The following PRKG1 variants were observed in gnomAD, a reference collection of about 807,000 sequenced individuals.
PRKG1 encodes protein kinase cGMP-dependent 1, also known as cGMP-dependent protein kinase 1.
A neutral mutation model predicts 88.1 loss-of-function variants in PRKG1; 35 were observed. The observed-to-expected ratio is 0.40, with a 90% confidence interval of 0.30 to 0.53. The LOEUF is 0.53. Ranked by LOEUF, PRKG1 falls within the 20% of genes least tolerant of loss-of-function variation. The probability of loss-of-function intolerance (pLI) is 0.59; values close to 1 mark genes in which losing one functional copy is unlikely to be tolerated. For synonymous variants in PRKG1, 303 were observed against 292.5 expected, an observed-to-expected ratio of 1.04 and a Z score of -0.37; for missense variants, 540 against 839.8, an observed-to-expected ratio of 0.64 and a Z score of 4.41.
intron 8 of PRKG1, among the ~76,000 whole-genome samples, chr10:52,152,079 G>A (rs1009298913): frequency 6.6e-6 from 1 of 152,056 alleles, no homozygotes; most frequent in Non-Finnish European, 1.5e-5. Context: ...AGTTCATATA[G>A]GTGGATACCC....
intron 4 of PRKG1, among the ~76,000 whole-genome samples, chr10:51,845,502 T>C (rs1265955516): frequency 6.6e-6 from 1 of 152,178 alleles, no homozygotes; most frequent in Non-Finnish European, 1.5e-5. Context: ...CCTTAACCCA[T>C]GGTTTTCTCA....
intron 2 of PRKG1, among the ~76,000 whole-genome samples, chr10:51,424,213 C>A (rs1426752571): frequency 6.6e-6 from 1 of 152,102 alleles, no homozygotes; most frequent in Non-Finnish European, 1.5e-5. Flanking sequence ...TATCTTTAAA[C>A]CAGAGTTGAG....
intron 2 of PRKG1, among the ~76,000 whole-genome samples, chr10:51,405,850 C>G (rs543514902): frequency 5.9e-5 from 9 of 152,170 alleles, no homozygotes; most frequent in African/African-American, 1.4e-4. Context: ...TAGGGAGATA[C>G]GGCAAGTTCC....
At chr10:51,061,463 A>T (rs1032481892) in intron 1 of PRKG1, among the ~76,000 whole-genome samples, 4 of 152,080 alleles carry the variant, frequency 2.6e-5, no homozygotes, top group Non-Finnish European at 5.9e-5. Context: ...TTTTATATTT[A>T]TTGTGCTAGT....
At chr10:51,978,249 TG>T in intron 5 of PRKG1, among the ~76,000 whole-genome samples, 1 of 152,204 alleles carries the variant, frequency 6.6e-6, no homozygotes, top group Non-Finnish European at 1.5e-5. Context: ...TTGTCAGCTT[TG>T]TTGAAGATGA....
At chr10:52,200,869 C>T (rs1459528837) in intron 9 of PRKG1, among the ~76,000 whole-genome samples, 2 of 152,066 alleles carry the variant, frequency 1.3e-5, no homozygotes, top group Admixed American at 6.6e-5. Context: ...TGAAAAGTAT[C>T]TGGTCATGTC....
chr10:51,076,184 C>T (rs989643711), intron 1 of PRKG1, among the ~76,000 whole-genome samples: 6 of 152,058 alleles, frequency 3.9e-5, no homozygotes, highest in Non-Finnish European at 8.8e-5. Flanking sequence ...CATGTTGATT[C>T]CCATGGAACA....
At chr10:51,867,377 G>A (rs1306782983) in intron 4 of PRKG1, among the ~76,000 whole-genome samples, 6 of 152,148 alleles carry the variant, frequency 3.9e-5, no homozygotes, top group African/African-American at 2.4e-5. Flanking sequence ...GTGGTTGGAT[G>A]TGTATTTAAT....
chr10:51,643,116 T>A (rs1377447838), intron 3 of PRKG1, among the ~76,000 whole-genome samples: 1 of 139,742 alleles, frequency 7.2e-6, no homozygotes. Context: ...TGTTCATGCT[T>A]GAGTTAAAAA....
chr10:51,658,872 T>A (rs1840226438), intron 3 of PRKG1, among the ~76,000 whole-genome samples: 1 of 152,136 alleles, frequency 6.6e-6, no homozygotes, highest in African/African-American at 2.4e-5. Context: ...TGTCTAGATA[T>A]AAAATACTTA....
chr10:51,136,681 C>T (rs1845692913), intron 1 of PRKG1, among the ~76,000 whole-genome samples: 1 of 151,664 alleles, frequency 6.6e-6, no homozygotes, highest in South Asian at 2.1e-4. Flanking sequence ...TAAGCAAAGT[C>T]CTAGTAAGCT....
chr10:51,095,650 T>G (rs1269828086), intron 1 of PRKG1, among the ~76,000 whole-genome samples: 2 of 152,156 alleles, frequency 1.3e-5, no homozygotes, highest in Non-Finnish European at 2.9e-5. Flanking sequence ...TTTGCTGCTT[T>G]TAGACAAACT....
intron 5 of PRKG1, among the ~76,000 whole-genome samples, chr10:52,019,641 T>G (rs1018804392): frequency 2.0e-5 from 3 of 152,212 alleles, no homozygotes; most frequent in Non-Finnish European, 4.4e-5. Context: ...CTCAGTCATT[T>G]ATAAAGAAGG....
At chr10:52,042,758 G>A (rs1456929171) in intron 5 of PRKG1, among the ~76,000 whole-genome samples, 1 of 152,032 alleles carries the variant, frequency 6.6e-6, no homozygotes, top group African/African-American at 2.4e-5. Flanking sequence ...TGCCCAGCAG[G>A]GGAAACAATC....
chr10:51,265,545 TTA>T (rs1589292935), intron 2 of PRKG1, among the ~76,000 whole-genome samples: 1 of 152,196 alleles, frequency 6.6e-6, no homozygotes, highest in Non-Finnish European at 1.5e-5. Context: ...TTATTTTATT[TTA>T]TGTTTGGAGA....
At chr10:51,287,692 A>G (rs1840477803) in intron 2 of PRKG1, among the ~76,000 whole-genome samples, 2 of 152,202 alleles carry the variant, frequency 1.3e-5, no homozygotes, top group African/African-American at 4.8e-5. Flanking sequence ...CCTTTAAGAC[A>G]AGATTTAAAT....
chr10:51,612,462 C>T (rs574865149), intron 3 of PRKG1, among the ~76,000 whole-genome samples: 2 of 151,950 alleles, frequency 1.3e-5, no homozygotes, highest in African/African-American at 4.8e-5. Flanking sequence ...ATGCTACTGA[C>T]TTTTGTATGT....
intron 5 of PRKG1, among the ~76,000 whole-genome samples, chr10:51,927,815 C>T (rs1384831931): frequency 6.6e-6 from 1 of 152,152 alleles, no homozygotes; most frequent in Middle Eastern, 3.2e-3. Flanking sequence ...CTATGTTATT[C>T]TAAAATTTTG....
intron 5 of PRKG1, among the ~76,000 whole-genome samples, chr10:51,924,749 G>A (rs1419003194): frequency 1.4e-5 from 2 of 140,666 alleles, no homozygotes; most frequent in South Asian, 2.3e-4. Flanking sequence ...TTTTTTCTTT[G>A]CATTCCAGTT....
Sources: allele counts gnomAD v4.1 joint callset (sites outside exome capture counted in the v4.1 genomes callset), GRCh38; gene constraint gnomAD v4.1.1; transcripts MANE v1.5; gene names NCBI Gene and HGNC (gene_info 2026-07-23, HGNC 2026-07-21).